The following SPIRE1 variants were observed in gnomAD, a reference collection of about 807,000 sequenced individuals.
The protein encoded by SPIRE1 is spire type actin nucleation factor 1.
SPIRE1 carries 40 observed loss-of-function variants against 94.1 expected under a neutral mutation model. That is an observed-to-expected ratio of 0.43 (90% CI 0.33 to 0.55). The LOEUF (loss-of-function observed/expected upper bound fraction) is 0.55. Among genes scored for constraint, SPIRE1 ranks in the 20% least tolerant of loss-of-function variants. The pLI is 0.06. For missense variants in SPIRE1, 838 were observed against 975.2 expected (o/e 0.86, Z 1.87); for synonymous variants, 376 against 371.7 (o/e 1.01, Z -0.13).
At chr18:12,575,171 T>G (rs896684234) in intron 2 of SPIRE1, among the ~76,000 whole-genome samples, 3 of 151,990 alleles carry the variant, frequency 2.0e-5, no homozygotes, top group African/African-American at 7.3e-5. Context: ...GAGGAAAAAG[T>G]TGAAGATGAT....
Position 12,559,714 on chromosome 18 carries a change from C to T in SPIRE1, c.373-12810G>A, listed in dbSNP as rs1377938461. Among the ~76,000 whole-genome samples, 3 of 152,172 alleles carry T rather than the reference C, an allele frequency of 2.0e-5. No homozygotes were observed. The highest frequency in any genetic ancestry group is 4.8e-5 in the African/African-American group (2 of 41,444). On this transcript the variant is annotated intron_variant, in intron 2 of 16. Transcript: ENST00000409402. This position sits in a 1 kb window ranked among gnomAD's most constrained non-coding sequence, Gnocchi z 4.7. ...GGCAAAGATTTCTTGAGTAATAACC[C>T]ACAGGCACAGGGAACCAAAGCAAAA...
At chr18:12,459,815 T>TA (rs1444278673) in intron 12 of SPIRE1, 1 of 985,846 alleles carries the variant, frequency 1.0e-6, no homozygotes, top group Non-Finnish European at 1.2e-6. Flanking sequence ...TAGCCCCTGC[T>TA]ACCCCAAACA....
intron 7 of SPIRE1, among the ~76,000 whole-genome samples, chr18:12,494,640 T>C (rs1479722201): frequency 6.7e-6 from 1 of 149,846 alleles, no homozygotes; most frequent in Non-Finnish European, 1.5e-5. Context: ...TCATCCTGGC[T>C]AACACGGTGA....
intron 2 of SPIRE1, among the ~76,000 whole-genome samples, chr18:12,563,519 A>G (rs1173374155): frequency 6.6e-6 from 1 of 152,176 alleles, no homozygotes; most frequent in Non-Finnish European, 1.5e-5. Flanking sequence ...ATAAATTAGA[A>G]CATTATGAGA....
Position 12,648,000 on chromosome 18 carries a change from C to T in SPIRE1, c.337+9530G>A, listed in dbSNP as rs1157112964. ...GAACCCAGGAGCCAAGCCTAAGGAG[C>T]AATCAATGGCCACAGCGGGAACAAT... On this transcript the variant is annotated intron_variant, in intron 1 of 16. Transcript: ENST00000409402. Among the ~76,000 whole-genome samples the T allele has an allele frequency of 2.0e-5, 3 of 152,102 alleles. No homozygotes were observed. In the East Asian group the frequency reaches 5.8e-4, roughly 29 times the overall value.
intron 2 of SPIRE1, among the ~76,000 whole-genome samples, chr18:12,549,946 T>C (rs2144308945): frequency 6.6e-6 from 1 of 152,360 alleles, no homozygotes; most frequent in East Asian, 1.9e-4. Context: ...CTACAGGAGC[T>C]GATCCATTCT....
At chr18:12,639,311 G>C (rs1009827057) in intron 1 of SPIRE1, among the ~76,000 whole-genome samples, 13 of 152,112 alleles carry the variant, frequency 8.5e-5, no homozygotes, top group African/African-American at 2.9e-4. Flanking sequence ...AAGTTTTAGA[G>C]GGATTCATTC....
At chr18:12,501,174 C>T (rs906407369) in intron 6 of SPIRE1, among the ~76,000 whole-genome samples, 4 of 151,106 alleles carry the variant, frequency 2.6e-5, no homozygotes, top group Admixed American at 2.6e-4. Context: ...TAAGTCAAAG[C>T]CAGACACCAA....
At chr18:12,617,310 G>A (rs571160842) in intron 2 of SPIRE1, among the ~76,000 whole-genome samples, 1 of 151,418 alleles carries the variant, frequency 6.6e-6, no homozygotes, top group South Asian at 2.1e-4. Context: ...CGCCTCCTGG[G>A]TTCAAGCGAT....
upstream of SPIRE1, among the ~76,000 whole-genome samples, chr18:12,660,767 T>A (rs1351201934): frequency 6.6e-6 from 1 of 152,130 alleles, no homozygotes; most frequent in Non-Finnish European, 1.5e-5. Context: ...TTTTTTTTTA[T>A]TGCCAAGTAA....
intron 2 of SPIRE1, among the ~76,000 whole-genome samples, chr18:12,557,109 C>T (rs914023139): frequency 2.6e-5 from 4 of 152,242 alleles, no homozygotes; most frequent in East Asian, 1.9e-4. Flanking sequence ...GTTGGGGCTG[C>T]GGGTGGAGCT....
Position 12,449,328 on chromosome 18 carries a change from T to C in SPIRE1, c.*310A>G, listed in dbSNP as rs2031104669. ...TTTTTTTTTTGCCTTAGTCAGGAGA[T>C]TATTCGAGGAACAGTAAAGAACTGA... On this transcript the variant is annotated 3_prime_UTR_variant, in exon 17 of 17. Coordinates refer to ENST00000409402, the MANE Select transcript of SPIRE1 (RefSeq NM_001128626.2). 1 of 305,740 alleles carries C rather than the reference T, an allele frequency of 3.3e-6. No homozygotes were observed. Among genetic ancestry groups the C allele is most frequent in the Non-Finnish European group, 6.1e-6 (1 of 163,846 alleles). 18.9% of individuals were successfully genotyped at this position (305,740 alleles called of 1,614,324 possible).
upstream of SPIRE1, among the ~76,000 whole-genome samples, chr18:12,659,586 C>T (rs940851174): frequency 3.3e-5 from 5 of 152,074 alleles, no homozygotes; most frequent in Admixed American, 6.6e-5. Context: ...AGGAGAATCG[C>T]TTGAACCTGG....
In SPIRE1 at chr18:12,631,571, A is replaced by G. The variant is rs868829365; in HGVS notation, c.372+3491T>C. Among the ~76,000 whole-genome samples the G allele has an allele frequency of 6.0e-5, 9 of 149,502 alleles. No homozygotes were observed. In the East Asian group the frequency reaches 1.8e-3, roughly 29 times the overall value. On this transcript the variant is annotated intron_variant, in intron 2 of 16. Transcript: ENST00000409402. Reference sequence around the variant, plus strand: ...TACAAAAAAAAAAAAAAAAAAAAAAAAAAACATAAAAATAAAAAAACAGGC... The same window carrying G: ...TACAAAAAAAAAAAAAAAAAAAAAAGAAAACATAAAAATAAAAAAACAGGC...
chr18:12,496,976 G>A (rs2033481306), intron 6 of SPIRE1, among the ~76,000 whole-genome samples: 1 of 152,170 alleles, frequency 6.6e-6, no homozygotes. Context: ...GCTGAGGCAG[G>A]AGACTCGCTT....
At chr18:12,499,416 A>C (rs987160474) in intron 6 of SPIRE1, among the ~76,000 whole-genome samples, 1 of 152,120 alleles carries the variant, frequency 6.6e-6, no homozygotes, top group Non-Finnish European at 1.5e-5. Context: ...GGGATGTGTG[A>C]GTCCACCAAC....
At chr18:12,603,535 G>C (rs968435893) in intron 2 of SPIRE1, among the ~76,000 whole-genome samples, 5 of 151,954 alleles carry the variant, frequency 3.3e-5, no homozygotes, top group African/African-American at 1.2e-4. Context: ...CTCCAAAGAG[G>C]GGAGAGAGGC....
chr18:12,628,636 G>C (rs1823634694), intron 2 of SPIRE1, among the ~76,000 whole-genome samples: 1 of 152,010 alleles, frequency 6.6e-6, no homozygotes, highest in African/African-American at 2.4e-5. Flanking sequence ...AAATTATCTT[G>C]GGCAGTATGG....
intron 1 of SPIRE1, among the ~76,000 whole-genome samples, chr18:12,640,810 G>C (rs1346876511): frequency 1.3e-5 from 2 of 152,132 alleles, no homozygotes; most frequent in Admixed American, 6.6e-5. Context: ...AGACAGGCAG[G>C]GGGCAGATCA....
Sources: gnomAD v4.1 joint callset for allele counts (sites outside exome capture counted in the v4.1 genomes callset) on GRCh38, gnomAD v4.1.1 for gene constraint, Gnocchi (gnomAD v3.1) non-coding constraint, MANE v1.5 for transcripts, NCBI Gene and HGNC (gene_info 2026-07-23, HGNC 2026-07-21) for gene names.